Variants in TUSC3 observed in about 807,000 individuals in gnomAD.
TUSC3 encodes the protein tumor suppressor candidate 3.
In TUSC3, 45 loss-of-function variants were observed where a neutral mutation model predicts 44.8. The observed-to-expected ratio is 1.00, with a 90% CI of 0.79 to 1.29. The LOEUF is 1.29. Among genes scored for constraint, TUSC3 ranks in the 50% most tolerant of loss-of-function variants. TUSC3 has a pLI of 0.00. For missense variants in TUSC3, 519 were observed against 437.9 expected, an observed-to-expected ratio of 1.19 and a Z score of -1.65; for synonymous variants, 212 against 152.9, an observed-to-expected ratio of 1.39 and a Z score of -2.85.
chr8:15,781,786 A>G, the TUSC3 span, among the ~76,000 whole-genome samples: 1 of 152,180 alleles, frequency 6.6e-6, no homozygotes, highest in Non-Finnish European at 1.5e-5. Context: ...TTCCAAACTC[A>G]TCTTATGAGG....
the TUSC3 span, among the ~76,000 whole-genome samples, chr8:15,794,271 G>T: frequency 1.3e-5 from 2 of 151,964 alleles, no homozygotes; most frequent in Non-Finnish European, 2.9e-5. Context: ...TTTTTTTGAG[G>T]ATAAGTCTTT....
At chr8:15,484,917 A>G (rs902286749) in intron 2 of TUSC3, among the ~76,000 whole-genome samples, 2 of 152,170 alleles carry the variant, frequency 1.3e-5, no homozygotes, top group Non-Finnish European at 2.9e-5. Flanking sequence ...TGAGAAAACT[A>G]TTTCTTTGTA....
intron 1 of TUSC3, among the ~76,000 whole-genome samples, chr8:15,474,475 T>G (rs916950489): frequency 1.3e-5 from 2 of 152,144 alleles, no homozygotes; most frequent in African/African-American, 4.8e-5. Context: ...GCAGCTCCAG[T>G]TGGTCCCTCC....
intron 1 of TUSC3, among the ~76,000 whole-genome samples, chr8:15,588,658 G>A (rs1255164930): frequency 2.6e-5 from 4 of 152,006 alleles, no homozygotes; most frequent in African/African-American, 9.7e-5. Flanking sequence ...CATTTTCTCA[G>A]TGTTTTCTTC....
intron 6 of TUSC3, 35 bp downstream of exon 6, chr8:15,673,871 T>C: frequency 6.5e-7 from 1 of 1,535,306 alleles, no homozygotes; most frequent in Non-Finnish European, 9.0e-7. Context: ...TATTCTGAAG[T>C]TTAATCCAGC....
intron 2 of TUSC3, among the ~76,000 whole-genome samples, chr8:15,501,490 C>G (rs762270805): frequency 2.0e-5 from 3 of 152,158 alleles, no homozygotes; most frequent in Non-Finnish European, 4.4e-5. Context: ...TCACTAGTGC[C>G]TAAACTACTG....
downstream of TUSC3, among the ~76,000 whole-genome samples, chr8:15,770,071 A>T (rs1238889417): frequency 6.6e-6 from 1 of 152,216 alleles, no homozygotes; most frequent in East Asian, 1.9e-4. Flanking sequence ...GGGTATATAC[A>T]CAAAGGATTA....
At chr8:15,459,195 G>A (rs1407414012) in intron 1 of TUSC3, among the ~76,000 whole-genome samples, 1 of 152,068 alleles carries the variant, frequency 6.6e-6, no homozygotes, top group Non-Finnish European at 1.5e-5. Context: ...ACTGGACTTA[G>A]CATTAAACTA....
intron 1 of TUSC3, among the ~76,000 whole-genome samples, chr8:15,588,789 C>T (rs745311252): frequency 3.9e-5 from 6 of 152,134 alleles, no homozygotes; most frequent in East Asian, 3.9e-4. Context: ...CAGTTTTCCC[C>T]GCACTATTTA....
At chr8:15,761,708 C>G (rs1324461948) in intron 10 of TUSC3, among the ~76,000 whole-genome samples, 1 of 152,178 alleles carries the variant, frequency 6.6e-6, no homozygotes, top group Non-Finnish European at 1.5e-5. Context: ...CTGCTTCTCA[C>G]TCATTCTGGA....
intron 1 of TUSC3, among the ~76,000 whole-genome samples, chr8:15,475,440 T>C (rs1451281922): frequency 1.3e-5 from 2 of 152,182 alleles, no homozygotes; most frequent in East Asian, 3.8e-4. Context: ...TTATTACCAG[T>C]ATTATTCTTC....
intron 1 of TUSC3, among the ~76,000 whole-genome samples, chr8:15,457,794 TC>T (rs1292150356): frequency 7.1e-6 from 1 of 141,800 alleles, no homozygotes; most frequent in Non-Finnish European, 1.5e-5. Flanking sequence ...GATTATCTAA[TC>T]TAAAATAAAA....
rs961486051 is a variant in TUSC3, at chr8:15,498,902, T to A, written n.189+15419T>A. On this transcript the variant is annotated intron_variant and non_coding_transcript_variant, in intron 2 of 5. Coordinates refer to the TUSC3 transcript ENST00000503191. ...TACAATGAATTCTTATATCCCATAT[T>A]ACTTATAGTGTTCCTGTTTACCGGA... 5.9e-5 allele frequency among the ~76,000 whole-genome samples: 9 copies of A among 152,358 alleles called. No homozygotes were observed. In the East Asian group the frequency reaches 1.5e-3, roughly 26 times the overall value.
chr8:15,627,904 G>C (rs1585169169), intron 2 of TUSC3, among the ~76,000 whole-genome samples: 1 of 152,344 alleles, frequency 6.6e-6, no homozygotes, highest in African/African-American at 2.4e-5. Context: ...CTGCCAGTCT[G>C]AGTGGACAAA....
chr8:15,804,164 C>T, the TUSC3 span, among the ~76,000 whole-genome samples: 1 of 152,162 alleles, frequency 6.6e-6, no homozygotes, highest in Admixed American at 6.5e-5. Context: ...ATACTCCCAC[C>T]AACAGTGTAA....
At chr8:15,799,541 G>C in the TUSC3 span, among the ~76,000 whole-genome samples, 2 of 152,184 alleles carry the variant, frequency 1.3e-5, no homozygotes. Flanking sequence ...ATTGTCAGCT[G>C]TGACCCCCTT....
At chr8:15,507,823 G>A (rs1801077756) in intron 2 of TUSC3, among the ~76,000 whole-genome samples, 1 of 152,022 alleles carries the variant, frequency 6.6e-6, no homozygotes, top group Non-Finnish European at 1.5e-5. Context: ...ATAAAAAAAA[G>A]GCAAAGTGAA....
At chr8:15,768,530 A>G (rs1202608725), downstream of TUSC3, among the ~76,000 whole-genome samples, 1 of 152,164 alleles carries the variant, frequency 6.6e-6, no homozygotes, top group Non-Finnish European at 1.5e-5. Context: ...CAACCTACTC[A>G]AAGAGCTAAC....
intron 1 of TUSC3, among the ~76,000 whole-genome samples, chr8:15,428,967 T>A (rs1269275074): frequency 6.6e-6 from 1 of 152,228 alleles, no homozygotes; most frequent in Non-Finnish European, 1.5e-5. Context: ...AGAAGCTCTT[T>A]AGTTTAATTA....
Sources: allele counts gnomAD v4.1 joint callset (sites outside exome capture counted in the v4.1 genomes callset), GRCh38; gene constraint gnomAD v4.1.1; transcripts MANE v1.5; gene names NCBI Gene and HGNC (gene_info 2026-07-23, HGNC 2026-07-21).